Variants in COL13A1 observed in about 807,000 individuals in gnomAD.
COL13A1 encodes collagen alpha-1(XIII) chain.
Under a neutral mutation model 130.9 loss-of-function variants are expected in COL13A1, and 89 were observed. The observed-to-expected ratio is 0.68, with a 90% CI of 0.57 to 0.81. The LOEUF (loss-of-function observed/expected upper bound fraction) is 0.81, where lower values mean the gene tolerates loss of function less well. Among genes scored for constraint, COL13A1 ranks in the 30% least tolerant of loss-of-function variants. The probability of loss-of-function intolerance (pLI) is 0.00; values close to 1 mark genes in which losing one functional copy is unlikely to be tolerated. For synonymous variants in COL13A1, 402 were observed against 341.6 expected (o/e 1.18, Z -1.95); for missense variants, 879 against 934.6 (o/e 0.94, Z 0.78).
intron 17 of COL13A1, among the ~76,000 whole-genome samples, chr10:69,910,766 G>T (rs556578307): frequency 5.1e-4 from 78 of 152,320 alleles, no homozygotes; most frequent in Middle Eastern, 3.4e-3. Flanking sequence ...TACAACCTTG[G>T]CTCTCTTTCA....
At chr10:69,913,519 C>T (rs1215988366) in intron 17 of COL13A1, among the ~76,000 whole-genome samples, 1 of 152,192 alleles carries the variant, frequency 6.6e-6, no homozygotes, top group Non-Finnish European at 1.5e-5. Context: ...TAGACAGGCT[C>T]ACACAAAGAC....
chr10:69,891,289 C>T lies in COL13A1; in HGVS notation c.603+1849C>T, dbSNP rs1220432630. On this transcript the variant is annotated intron_variant, in intron 10 of 40. Coordinates refer to ENST00000645393, the MANE Select transcript of COL13A1 (RefSeq NM_001368882.1). ...CACCCAGGCCAAAGGTCGGAGACGG[C>T]TTTTCTGAGAAAGAGACTTTTGAAC... Among the ~76,000 whole-genome samples the T allele has an allele frequency of 2.0e-5, 3 of 152,182 alleles. No individual in the cohort carries two copies. In the East Asian group the frequency reaches 5.8e-4, roughly 29 times the overall value.
intron 7 of COL13A1, among the ~76,000 whole-genome samples, chr10:69,882,808 C>G (rs2060270700): frequency 6.6e-6 from 1 of 152,242 alleles, no homozygotes; most frequent in Admixed American, 6.5e-5. Flanking sequence ...CCAGCATCCT[C>G]TGACTTTGGC....
chr10:69,868,501 C>G (rs2058750966), intron 3 of COL13A1, among the ~76,000 whole-genome samples: 1 of 152,194 alleles, frequency 6.6e-6, no homozygotes, highest in Non-Finnish European at 1.5e-5. Flanking sequence ...AGTAATGGAT[C>G]CAGAGAACAG....
chr10:69,921,671 A>T (rs140046374), intron 21 of COL13A1, among the ~76,000 whole-genome samples: 1 of 152,340 alleles, frequency 6.6e-6, no homozygotes, highest in East Asian at 1.9e-4. Context: ...GAAAGCAGTC[A>T]TGCAGGTGTC....
At chr10:69,822,795 G>A (rs1485969957) in intron 2 of COL13A1, among the ~76,000 whole-genome samples, 1 of 152,238 alleles carries the variant, frequency 6.6e-6, no homozygotes, top group Non-Finnish European at 1.5e-5. Context: ...CTTGCTTGCT[G>A]TGTTCATCAT....
chr10:69,907,105 A>T (rs977611757), intron 17 of COL13A1, among the ~76,000 whole-genome samples: 2 of 152,232 alleles, frequency 1.3e-5, no homozygotes, highest in African/African-American at 4.8e-5. Flanking sequence ...ATAGGTAAAC[A>T]ATTTGAGCAA....
chr10:69,804,408 C>T (rs894651508), intron 1 of COL13A1, among the ~76,000 whole-genome samples: 14 of 152,020 alleles, frequency 9.2e-5, no homozygotes, highest in African/African-American at 3.4e-4. Flanking sequence ...ACTCTAGGGG[C>T]CTTGGGGCTA....
intron 35 of COL13A1, among the ~76,000 whole-genome samples, chr10:69,943,414 T>C (rs1471867895): frequency 2.0e-5 from 3 of 152,128 alleles, no homozygotes; most frequent in Non-Finnish European, 4.4e-5. Context: ...CGTGGGAAGA[T>C]GTTGGAGGAG....
intron 1 of COL13A1, among the ~76,000 whole-genome samples, chr10:69,804,809 C>CAAAAAAAAAAAAAAAAAAAAAAAAAAA (rs57098368): frequency 4.0e-5 from 3 of 75,380 alleles, no homozygotes; most frequent in Admixed American, 3.6e-4. Flanking sequence ...ATGTCGTGTG[C>CAAAAAAAAAAAAAAAAAAAAAAAAAAA]AAAAAAAAAA....
At position 69,833,024 on chromosome 10, in the gene COL13A1, A is replaced by G. The variant is rs543968508; in HGVS notation, c.364+10586A>G. Among the ~76,000 whole-genome samples, 96 of 152,340 alleles carry G rather than the reference A, an allele frequency of 6.3e-4. 1 individual carries two copies. The highest frequency in any genetic ancestry group is 2.2e-3 in the African/African-American group (92 of 41,578). On this transcript the variant is annotated intron_variant, in intron 2 of 40. Coordinates refer to ENST00000645393, the MANE Select transcript of COL13A1 (RefSeq NM_001368882.1). ...GGGCAACTGCAAGTGCCTCGAAGGT[A>G]GACCGCAGCACGCACTGCCTGGTCA...
intron 1 of COL13A1, among the ~76,000 whole-genome samples, chr10:69,814,490 C>T (rs558666799): frequency 2.6e-5 from 4 of 152,298 alleles, no homozygotes; most frequent in Admixed American, 1.3e-4. Flanking sequence ...GGCCACCAAA[C>T]AAAACAAGCT....
At chr10:69,950,842 T>G (rs1455587185) in intron 38 of COL13A1, among the ~76,000 whole-genome samples, 1 of 152,092 alleles carries the variant, frequency 6.6e-6, no homozygotes, top group Non-Finnish European at 1.5e-5. Flanking sequence ...ATCAAAAATA[T>G]TATTTTGTTT....
chr10:69,822,394 G>A lies in COL13A1; in HGVS notation c.320G>A (p.Arg107His), dbSNP rs755258283. 1.2e-5 allele frequency: 19 copies of A among 1,592,812 alleles called. No individual in the cohort carries two copies. The highest frequency in any genetic ancestry group is 2.3e-5 in the East Asian group (1 of 43,688). ...DEKWKLHSRR[R>H]REAPKTSPGC... is the part of the protein sequence containing the mutation. ...AAATGGAAGCTCCACTCAAGGAGGC[G>A]CCGGGAGGCCCCAAAGACATCTCCA... The change falls in exon 2 of 41, where the codon CGC (arginine) becomes CAC (histidine). Residue 107 changes from arginine to histidine, a missense_variant. Physicochemically the swap from Arg to His is conservative, Grantham distance 29 (BLOSUM62 0). Coordinates refer to ENST00000645393, the MANE Select transcript of COL13A1 (RefSeq NM_001368882.1).
At chr10:69,954,629 T>C (rs954460085) in intron 39 of COL13A1, among the ~76,000 whole-genome samples, 3 of 152,208 alleles carry the variant, frequency 2.0e-5, no homozygotes, top group African/African-American at 7.2e-5. Flanking sequence ...TGCCTATTCT[T>C]CCAGGTTGGA....
chr10:69,868,198 C>T (rs2704526), intron 3 of COL13A1, among the ~76,000 whole-genome samples: 137,225 of 151,658 alleles, frequency 0.9, 63,069 homozygotes, highest in East Asian at 1. Flanking sequence ...TTGAAAGGTC[C>T]CAGAAAACAG....
At chr10:69,904,904 T>TC (rs2062580921) in intron 15 of COL13A1, 29 bp from the exon 16 acceptor site, 1 of 1,532,376 alleles carries the variant, frequency 6.5e-7, no homozygotes, top group Non-Finnish European at 8.8e-7. Flanking sequence ...TTTTCTTTTT[T>TC]CTTTTTTTTT....
chr10:69,901,557 G>C (rs1246784059), intron 14 of COL13A1, among the ~76,000 whole-genome samples: 3 of 152,162 alleles, frequency 2.0e-5, no homozygotes, highest in African/African-American at 7.2e-5. Flanking sequence ...TGGAACTCCA[G>C]CCGCCTGCAT....
chr10:69,933,135 C>CAAAAAAAAAAAAAAAAAAAAAAAAAA lies in COL13A1; in HGVS notation c.1728+538_1728+563dup, dbSNP rs34323794. 4.3e-4 allele frequency among the ~76,000 whole-genome samples: 19 copies of CAAAAAAAAAAAAAAAAAAAAAAAAAA among 44,428 alleles called. 1 individual carries two copies. Among genetic ancestry groups the CAAAAAAAAAAAAAAAAAAAAAAAAAA allele is most frequent in the Non-Finnish European group, 6.9e-4 (17 of 24,526 alleles). 29.1% of individuals were successfully genotyped at this position (44,428 alleles called of 152,430 possible). A position where few individuals can be genotyped will look rare whatever the true frequency, so the allele number is the denominator to read the frequency against. The stretch of plus-strand genomic sequence containing the variant: ...TGGGCAACAGAGTGAGACTCTGCCT[C>CAAAAAAAAAAAAAAAAAAAAAAAAAA]AAAAAAAAAAAAAAAAAAAAAAAAA... On this transcript the variant is annotated intron_variant, in intron 31 of 40. Coordinates refer to ENST00000645393, the MANE Select transcript of COL13A1 (RefSeq NM_001368882.1).
Sources: allele counts gnomAD v4.1 joint callset (sites outside exome capture counted in the v4.1 genomes callset), GRCh38; gene constraint gnomAD v4.1.1; transcripts MANE v1.5; gene names NCBI Gene and HGNC (gene_info 2026-07-23, HGNC 2026-07-21).